LRRN4: variants seen among roughly 807,000 people sequenced by gnomAD.
The protein encoded by LRRN4 is leucine-rich repeat neuronal protein 4.
In LRRN4, 26 loss-of-function variants were observed where a neutral mutation model predicts 22.3. The observed-to-expected ratio is 1.16, with a 90% CI of 0.85 to 1.62. The LOEUF is 1.62. Ranked by LOEUF, LRRN4 falls within the 40% of genes most tolerant of loss-of-function variation. The pLI is 0.00. For synonymous variants in LRRN4, 496 were observed against 486.2 expected (o/e 1.02, Z -0.26); for missense variants, 1,070 against 1,008.5 (o/e 1.06, Z -0.83).
intron 4 of LRRN4, among the ~76,000 whole-genome samples, chr20:6,043,899 C>A (rs1416938596): frequency 2.0e-5 from 3 of 152,092 alleles, no homozygotes; most frequent in Admixed American, 6.6e-5. Context: ...CAGAGCAAGA[C>A]CCTGTCTCCA....
At chr20:6,047,417 GACACACATAC>G (rs1315970870) in intron 3 of LRRN4, among the ~76,000 whole-genome samples, 9 of 134,836 alleles carry the variant, frequency 6.7e-5, no homozygotes, top group Non-Finnish European at 1.1e-4. Flanking sequence ...TAAAGAAGCA[GACACACATAC>G]ACACACACAC....
intron 3 of LRRN4, among the ~76,000 whole-genome samples, chr20:6,046,604 T>A (rs1326360875): frequency 6.7e-6 from 1 of 148,686 alleles, no homozygotes; most frequent in Non-Finnish European, 1.5e-5. Flanking sequence ...TCAAGTCTCT[T>A]CTGACCAAAG....
chr20:6,041,609 G>A lies in LRRN4; in HGVS notation c.1636C>T (p.Pro546Ser), dbSNP rs776524633. The A allele has an allele frequency of 3.8e-6, 6 of 1,578,846 alleles. No homozygotes were observed. In the East Asian group the frequency reaches 6.7e-5, roughly 18 times the overall value. ...TGCTTGCAGGGATGGTAATCACAGG[G>A]GACGTCCTGGTGAGGCGTTCCCACC... ...EEVGTPHQDV[P>S]CDYHPCKHLQ... Residue 546 changes from proline to serine, a missense_variant, in exon 5 of 5, where the codon CCC becomes TCC. Pro to Ser is a moderately conservative substitution (Grantham distance 74). Coordinates refer to ENST00000378858, the MANE Select transcript of LRRN4 (RefSeq NM_152611.5). This position sits in a 1 kb window ranked among gnomAD's most constrained non-coding sequence, Gnocchi z 9.4.
Position 6,042,068 on chromosome 20 carries a change from C to T in LRRN4, c.1177G>A (p.Ala393Thr), listed in dbSNP as rs1364676614. Residue 393 changes from alanine (A) to threonine (T), a missense_variant, in exon 5 of 5, where the codon GCA (alanine) becomes ACA (threonine). By Grantham distance (58) the Ala-to-Thr change is moderately conservative. Coordinates refer to ENST00000378858, the MANE Select transcript of LRRN4 (RefSeq NM_152611.5). The part of the protein sequence containing the change: ...YAQGTTVAPS[A>T]APATRPAGDQ... ...CCCGCAGGCCGGGTGGCGGGGGCTG[C>T]GCTGGGCGCGACGGTGGTACCCTGT... 3 of 1,613,848 alleles carry T rather than the reference C, an allele frequency of 1.9e-6. No homozygotes were observed. The highest frequency in any genetic ancestry group is 2.2e-5 in the East Asian group (1 of 44,888).
In LRRN4 at chr20:6,041,199, G is replaced by A. The variant is rs1326803788; in HGVS notation, c.2046C>T (p.Leu682=). The change falls in exon 5 of 5, where the codon CTC becomes CTT. Residue 682 remains leucine (L), a synonymous_variant. Transcript: ENST00000378858. The surrounding 1 kb of genome is among the most constrained non-coding windows in gnomAD (Gnocchi z 9.4). ...TGGCGGCGCACAGCCCAGAGAGCAG[G>A]AGCGCGAAGCTGGGCTTGGTGGTGA... ...AAFTTKPSFA[L]LLSGLCAASG... is the part of the protein sequence containing the mutation. 1.3e-6 allele frequency: 2 copies of A among 1,591,028 alleles called. No homozygotes were observed. Among genetic ancestry groups the A allele is most frequent in the South Asian group, 2.2e-5 (2 of 89,310 alleles).
Position 6,050,965 on chromosome 20 carries a change from C to T in LRRN4, c.674G>A (p.Arg225Lys). The change falls in exon 3 of 5, where the codon AGA (arginine) becomes AAA (lysine). Residue 225 changes from arginine (R) to lysine (K), a missense_variant. By Grantham distance (26) the Arg-to-Lys change is conservative (BLOSUM62 2). Transcript: ENST00000378858. ...GAGGGATGTGAGCTTCGGCAGGTCT[C>T]TGATCCACCCTGACTCAACTGAAAC... Reference protein sequence around the residue: ...FLERVESGWIRDLPKLTSLYL... With the variant: ...FLERVESGWIKDLPKLTSLYL... 1.2e-6 allele frequency: 2 copies of T among 1,613,962 alleles called. No homozygotes were observed. The highest frequency in any genetic ancestry group is 2.2e-5 in the South Asian group (2 of 91,058).
In LRRN4 at chr20:6,041,404, T is replaced by TA. The variant is rs753394066; in HGVS notation, c.1840dup (p.Tyr614LeufsTer117). 11 of 1,568,242 alleles carry TA rather than the reference T, an allele frequency of 7.0e-6. No individual in the cohort carries two copies. Among genetic ancestry groups the TA allele is most frequent in the Non-Finnish European group, 9.5e-6 (11 of 1,157,118 alleles). ...GTTCCCCGCCCAGCCCTCCGCAGAGTAGCGGATCTGGTACCCATGCACTAC... is the reference window on the plus strand; with the variant it reads ...GTTCCCCGCCCAGCCCTCCGCAGAGTAAGCGGATCTGGTACCCATGCACTAC... On this transcript the variant is annotated frameshift_variant, in exon 5 of 5. Transcript: ENST00000378858. LOFTEE classifies it low-confidence loss of function (END_TRUNC). The surrounding 1 kb of genome is among the most constrained non-coding windows in gnomAD (Gnocchi z 9.4).
intron 3 of LRRN4, among the ~76,000 whole-genome samples, chr20:6,049,025 G>T (rs536501320): frequency 1.3e-5 from 2 of 152,188 alleles, no homozygotes; most frequent in South Asian, 2.1e-4. Flanking sequence ...CTCCACAGAC[G>T]TAAGTGTCCA....
intron 2 of LRRN4, 152 bp from the exon 3 acceptor site, chr20:6,051,135 G>A: frequency 1.4e-6 from 1 of 720,506 alleles, no homozygotes; most frequent in South Asian, 1.6e-5. Context: ...TCTCAGAATT[G>A]TGGTCATTTC....
intron 1 of LRRN4, 109 bp from the exon 2 acceptor site, chr20:6,052,913 C>G: frequency 8.7e-7 from 1 of 1,149,646 alleles, no homozygotes; most frequent in Non-Finnish European, 1.2e-6. Context: ...AGCACAGGCG[C>G]TGGATGTTCC....
Position 6,052,366 on chromosome 20 carries a change from A to G in LRRN4, c.434T>C (p.Leu145Pro). ...GAGCGCCAGGGCGCGGAGGCTGCTC[A>G]GCGCGGGCCCGGTGCACGGCGGCAG... The part of the protein sequence containing the change: ...AALPPCTGPA[L>P]SSLRALALAG... Residue 145 changes from leucine to proline, a missense_variant, in exon 2 of 5, where the codon CTG becomes CCG. Coordinates refer to ENST00000378858, the MANE Select transcript of LRRN4 (RefSeq NM_152611.5). The G allele has an allele frequency of 6.6e-7, 1 of 1,514,546 alleles. No individual in the cohort carries two copies. Among genetic ancestry groups the G allele is most frequent in the South Asian group, 1.2e-5 (1 of 81,002 alleles). 93.8% of individuals were successfully genotyped at this position (1,514,546 alleles called of 1,614,324 possible).
Position 6,052,665 on chromosome 20 carries a change from G to A in LRRN4, c.135C>T (p.Asp45=). The part of the protein sequence containing the change: ...PWGSSGSNAT[D]SPCEGLPAAD... The stretch of plus-strand genomic sequence containing the variant: ...CGGCGGGCAGCCCCTCGCAGGGCGA[G>A]TCGGTGGCGTTGCTGCCACTGCTCC... Residue 45 remains aspartate (D), a synonymous_variant, in exon 2 of 5, where the codon GAC becomes GAT. Transcript: ENST00000378858. 1 of 1,580,770 alleles carries A rather than the reference G, an allele frequency of 6.3e-7. No homozygotes were observed. Among genetic ancestry groups the A allele is most frequent in the South Asian group, 1.1e-5 (1 of 88,224 alleles).
chr20:6,041,522 C>A lies in LRRN4; in HGVS notation c.1723G>T (p.Gly575Trp). ...RWRCRCPGLSGEDTIPDPPRL... is the reference protein window; with the variant it reads ...RWRCRCPGLSWEDTIPDPPRL... Reference sequence around the variant, plus strand: ...GGCGGGTCTGGGATGGTGTCTTCCCCGCTGAGGCCGGGGCACCGGCACCGC... The same window carrying A: ...GGCGGGTCTGGGATGGTGTCTTCCCAGCTGAGGCCGGGGCACCGGCACCGC... Residue 575 changes from glycine to tryptophan, a missense_variant, in exon 5 of 5, where the codon GGG becomes TGG. Transcript: ENST00000378858. This position sits in a 1 kb window ranked among gnomAD's most constrained non-coding sequence, Gnocchi z 9.4. The A allele has an allele frequency of 1.2e-5, 19 of 1,555,730 alleles. No homozygotes were observed. Among genetic ancestry groups the A allele is most frequent in the Non-Finnish European group, 1.6e-5 (18 of 1,150,238 alleles).
At chr20:6,043,086 C>T (rs116055965) in intron 4 of LRRN4, among the ~76,000 whole-genome samples, 130 of 152,294 alleles carry the variant, frequency 8.5e-4, no homozygotes, top group African/African-American at 2.9e-3. Context: ...GCCAAAGTAA[C>T]TCAGGTGAAA....
chr20:6,042,216 C>T lies in LRRN4; in HGVS notation c.1029G>A (p.Ala343=), dbSNP rs1980984784. ...AGGCTGAGAAGGGGCCGCTGGATCC[C>T]GCAGCTGGCGCGCACATAGTGTCTG... is the stretch of plus-strand genomic sequence containing the variant. ...RAADTMCAPA[A]GSSGPFSASL... The change falls in exon 5 of 5, where the codon GCG becomes GCA. Residue 343 remains alanine (A), a synonymous_variant. Transcript: ENST00000378858. 3.1e-6 allele frequency: 5 copies of T among 1,612,860 alleles called. No homozygotes were observed. The highest frequency in any genetic ancestry group is 1.7e-5 in the Admixed American group (1 of 59,970).
intron 4 of LRRN4, among the ~76,000 whole-genome samples, chr20:6,043,337 C>T (rs1270619126): frequency 2.6e-5 from 4 of 152,174 alleles, no homozygotes; most frequent in Non-Finnish European, 5.9e-5. Flanking sequence ...ATTGCTTGAG[C>T]CCAGTAGTCT....
chr20:6,045,695 T>C (rs1281467370), intron 3 of LRRN4, among the ~76,000 whole-genome samples: 1 of 148,866 alleles, frequency 6.7e-6, no homozygotes, highest in Non-Finnish European at 1.5e-5. Context: ...TAAATATTTA[T>C]TCCTTTGCAT....
chr20:6,050,973 C>T lies in LRRN4; in HGVS notation c.666G>A (p.Gly222=). Reference sequence around the variant, plus strand: ...TGAGCTTCGGCAGGTCTCTGATCCACCCTGACTCAACTGAAACACAGAAGG... The same window carrying T: ...TGAGCTTCGGCAGGTCTCTGATCCATCCTGACTCAACTGAAACACAGAAGG... ...SGTFLERVES[G]WIRDLPKLTS... is the part of the protein sequence containing the mutation. The change falls in exon 3 of 5, where the codon GGG becomes GGA. Residue 222 remains glycine, a synonymous_variant. Transcript: ENST00000378858. 6.2e-7 allele frequency: 1 copy of T among 1,613,900 alleles called. No homozygotes were observed. Among genetic ancestry groups the T allele is most frequent in the Non-Finnish European group, 8.5e-7 (1 of 1,179,962 alleles).
chr20:6,052,621 G>T lies in LRRN4; in HGVS notation c.179C>A (p.Thr60Asn). ...GCGCTCCAGGTTGCGGTTCGCCAGG[G>T]TCAAGGCCGTCGCATCCGCGGCGGG... ...GLPAADATAL[T>N]LANRNLERLP... is the part of the protein sequence containing the mutation. The change falls in exon 2 of 5, where the codon ACC becomes AAC. Residue 60 changes from threonine (T) to asparagine (N), a missense_variant. Coordinates refer to ENST00000378858, the MANE Select transcript of LRRN4 (RefSeq NM_152611.5). The T allele has an allele frequency of 6.3e-7, 1 of 1,588,646 alleles. No homozygotes were observed. The highest frequency in any genetic ancestry group is 8.5e-7 in the Non-Finnish European group (1 of 1,174,922).
Sources: gnomAD v4.1 joint callset for allele counts (sites outside exome capture counted in the v4.1 genomes callset) on GRCh38, gnomAD v4.1.1 for gene constraint, Gnocchi (gnomAD v3.1) non-coding constraint, MANE v1.5 for transcripts, NCBI Gene and HGNC (gene_info 2026-07-23, HGNC 2026-07-21) for gene names.